Variants in RSRC1 observed in about 807,000 individuals in gnomAD.
The protein encoded by RSRC1 is arginine and serine rich coiled-coil 1, also known as serine/Arginine-related protein 53.
A neutral mutation model predicts 49.1 loss-of-function variants in RSRC1; 39 were observed. That is an observed-to-expected ratio of 0.79 (90% CI 0.61 to 1.04). The LOEUF is 1.04. Ranked by LOEUF, RSRC1 falls within the 50% of genes least tolerant of loss-of-function variation. The pLI, the probability that RSRC1 is intolerant of heterozygous loss-of-function variation, is 0.00. For synonymous variants in RSRC1, 143 were observed against 130.8 expected (o/e 1.09, Z -0.63); for missense variants, 388 against 402.4 (o/e 0.96, Z 0.31).
At chr3:158,206,974 C>A (rs1402743835) in intron 4 of RSRC1, among the ~76,000 whole-genome samples, 1 of 152,080 alleles carries the variant, frequency 6.6e-6, no homozygotes, top group Non-Finnish European at 1.5e-5. Context: ...AGGAATTTTG[C>A]TAAGCATTTG....
At chr3:158,436,479 T>C (rs1237588961) in intron 6 of RSRC1, among the ~76,000 whole-genome samples, 2 of 151,974 alleles carry the variant, frequency 1.3e-5, no homozygotes, top group Non-Finnish European at 2.9e-5. Flanking sequence ...TAAAAGTACA[T>C]GTGCCCACAC....
At chr3:158,153,010 A>T (rs1412813617) in intron 3 of RSRC1, among the ~76,000 whole-genome samples, 1 of 152,198 alleles carries the variant, frequency 6.6e-6, no homozygotes, top group Non-Finnish European at 1.5e-5. Context: ...CTAGGAACTA[A>T]ATGCTCTGTA....
intron 7 of RSRC1, among the ~76,000 whole-genome samples, chr3:158,509,215 A>G (rs1281440889): frequency 6.6e-6 from 1 of 152,140 alleles, no homozygotes; most frequent in Non-Finnish European, 1.5e-5. Context: ...TTGCATGTGG[A>G]TTATTCCAGT....
chr3:158,427,418 G>C (rs1578465089), intron 6 of RSRC1, among the ~76,000 whole-genome samples: 1 of 151,702 alleles, frequency 6.6e-6, no homozygotes, highest in East Asian at 1.9e-4. Context: ...TTGTAGGTGT[G>C]GCTTTATTTG....
chr3:158,537,067 G>A (rs376268806), intron 7 of RSRC1, 25 bp from the exon 8 acceptor site: 11 of 1,494,302 alleles, frequency 7.4e-6, no homozygotes, highest in African/African-American at 1.4e-5. Context: ...ACCAAAATAC[G>A]CTGACATTAT....
chr3:158,404,451 A>G (rs769833788), intron 6 of RSRC1, among the ~76,000 whole-genome samples: 14 of 151,962 alleles, frequency 9.2e-5, no homozygotes, highest in Admixed American at 6.6e-5. Flanking sequence ...TAATTCAGTC[A>G]CTGCTACAAA....
At chr3:158,323,981 T>A (rs1728917554) in intron 5 of RSRC1, among the ~76,000 whole-genome samples, 1 of 152,200 alleles carries the variant, frequency 6.6e-6, no homozygotes, top group Non-Finnish European at 1.5e-5. Flanking sequence ...CAGTATGATC[T>A]AAATTTGTAT....
intron 6 of RSRC1, among the ~76,000 whole-genome samples, chr3:158,458,391 A>ATTTTTG (rs1737452096): frequency 6.6e-6 from 1 of 151,938 alleles, no homozygotes; most frequent in African/African-American, 2.4e-5. Context: ...AATGGCAAAA[A>ATTTTTG]CCATTAAAAT....
At chr3:158,519,817 T>A (rs1371998029) in intron 7 of RSRC1, among the ~76,000 whole-genome samples, 1 of 152,064 alleles carries the variant, frequency 6.6e-6, no homozygotes, top group African/African-American at 2.4e-5. Context: ...AGCCTACAAA[T>A]GGTGTTTATA....
At chr3:158,210,712 T>C (rs895426032) in intron 4 of RSRC1, among the ~76,000 whole-genome samples, 2 of 152,056 alleles carry the variant, frequency 1.3e-5, no homozygotes, top group Non-Finnish European at 2.9e-5. Flanking sequence ...AGTTCTGATT[T>C]AACCAAAATA....
intron 4 of RSRC1, among the ~76,000 whole-genome samples, chr3:158,236,067 G>A (rs1723224929): frequency 6.6e-6 from 1 of 151,710 alleles, no homozygotes; most frequent in East Asian, 1.9e-4. Context: ...AGTGAGCTGA[G>A]ATTGTGCCCT....
At chr3:158,417,767 C>A (rs895698738) in intron 6 of RSRC1, among the ~76,000 whole-genome samples, 1 of 149,626 alleles carries the variant, frequency 6.7e-6, no homozygotes, top group Non-Finnish European at 1.5e-5. Flanking sequence ...AATATATATC[C>A]TATATATTAT....
rs1257503713 is a variant in RSRC1, at chr3:158,539,645, A to G, written c.759+2447A>G. On this transcript the variant is annotated intron_variant, in intron 8 of 9. Transcript: ENST00000611884. This position sits in a 1 kb window ranked among gnomAD's most constrained non-coding sequence, Gnocchi z 4.1. ...AGCGCTACTCAAAGCCATATATTTC[A>G]TAGTAGCCATTTTGAGGTTTTGTTT... 6.6e-6 allele frequency among the ~76,000 whole-genome samples: 1 copy of G among 152,108 alleles called. No homozygotes were observed. The highest frequency in any genetic ancestry group is 1.5e-5 in the Non-Finnish European group (1 of 67,998).
At chr3:158,182,081 G>A (rs1357167386) in intron 3 of RSRC1, among the ~76,000 whole-genome samples, 1 of 152,100 alleles carries the variant, frequency 6.6e-6, no homozygotes, top group Non-Finnish European at 1.5e-5. Flanking sequence ...TCGGGAGGTT[G>A]GGAGAGAGGG....
intron 4 of RSRC1, among the ~76,000 whole-genome samples, chr3:158,211,349 A>G (rs1721661804): frequency 6.6e-6 from 1 of 151,972 alleles, no homozygotes; most frequent in African/African-American, 2.4e-5. Context: ...AACACTTGCC[A>G]AAGATATTAC....
At chr3:158,331,737 TC>T (rs1354576754) in intron 5 of RSRC1, among the ~76,000 whole-genome samples, 1 of 151,914 alleles carries the variant, frequency 6.6e-6, no homozygotes, top group Non-Finnish European at 1.5e-5. Flanking sequence ...AATATTTTTT[TC>T]CTCATGGCCT....
At chr3:158,154,061 C>T (rs906494171) in intron 3 of RSRC1, among the ~76,000 whole-genome samples, 9 of 152,162 alleles carry the variant, frequency 5.9e-5, no homozygotes, top group African/African-American at 1.7e-4. Flanking sequence ...TTTGTATCCA[C>T]ACCACCACAA....
At chr3:158,401,013 C>T (rs1274881724) in intron 6 of RSRC1, among the ~76,000 whole-genome samples, 1 of 152,038 alleles carries the variant, frequency 6.6e-6, no homozygotes, top group Non-Finnish European at 1.5e-5. Context: ...TTTAGATACA[C>T]AAATACTAAA....
chr3:158,389,198 T>C (rs1385552984), intron 6 of RSRC1, among the ~76,000 whole-genome samples: 2 of 152,190 alleles, frequency 1.3e-5, no homozygotes, highest in African/African-American at 4.8e-5. Flanking sequence ...TGATCAGAAA[T>C]AAACATCACT....
Sources: allele counts gnomAD v4.1 joint callset (sites outside exome capture counted in the v4.1 genomes callset), GRCh38; gene constraint gnomAD v4.1.1; non-coding constraint Gnocchi (gnomAD v3.1); transcripts MANE v1.5; gene names NCBI Gene and HGNC (gene_info 2026-07-23, HGNC 2026-07-21).